CEP128: variants seen among roughly 807,000 people sequenced by gnomAD.
The protein encoded by CEP128 is centrosomal protein 128, also known as centrosomal protein 128kDa.
A neutral mutation model predicts 156.7 loss-of-function variants in CEP128; 132 were observed. The observed-to-expected ratio is 0.84, with a 90% CI of 0.73 to 0.97. The LOEUF (loss-of-function observed/expected upper bound fraction) is 0.97, where lower values mean the gene tolerates loss of function less well. CEP128 is among the 50% of genes least tolerant of loss of function. CEP128 has a pLI of 0.00. For synonymous variants in CEP128, 469 were observed against 448.9 expected, an observed-to-expected ratio of 1.04 and a Z score of -0.57; for missense variants, 1,252 against 1,281.9, an observed-to-expected ratio of 0.98 and a Z score of 0.36.
At chr14:80,947,856 A>G (rs1886379683) in intron 2 of CEP128, among the ~76,000 whole-genome samples, 1 of 152,144 alleles carries the variant, frequency 6.6e-6, no homozygotes. Context: ...CATAGCTTGA[A>G]CCTACCTGTT....
At position 80,904,883 on chromosome 14, in the gene CEP128, G is replaced by A. The variant is rs1165826930; in HGVS notation, c.410C>T (p.Pro137Leu). 1.2e-6 allele frequency: 2 copies of A among 1,612,294 alleles called. No homozygotes were observed. The highest frequency in any genetic ancestry group is 3.3e-5 in the Admixed American group (2 of 59,992). Residue 137 changes from proline to leucine, a missense_variant, in exon 6 of 25, where the codon CCA becomes CTA. By Grantham distance (98) the Pro-to-Leu change is moderately conservative. Transcript: ENST00000555265. ...TGATCTCATTCGTTTAATACCCTGTGGATCCCCATAGTCCTTGAGAGGTGA... is the reference window on the plus strand; with the variant it reads ...TGATCTCATTCGTTTAATACCCTGTAGATCCCCATAGTCCTTGAGAGGTGA... ...PTSPLKDYGD[P>L]QGIKRMRSRT...
At chr14:80,681,044 G>C (rs754977848) in intron 19 of CEP128, among the ~76,000 whole-genome samples, 6 of 151,796 alleles carry the variant, frequency 4.0e-5, no homozygotes, top group African/African-American at 9.7e-5. Context: ...GCTGGCTATA[G>C]TCGGCTCTTG....
intron 9 of CEP128, among the ~76,000 whole-genome samples, chr14:80,850,756 T>C (rs1305912818): frequency 6.6e-6 from 1 of 152,208 alleles, no homozygotes; most frequent in African/African-American, 2.4e-5. Context: ...ACATTTAGAA[T>C]GCATGTATCT....
chr14:80,492,422 A>C (rs1887355019), downstream of CEP128, among the ~76,000 whole-genome samples: 1 of 152,182 alleles, frequency 6.6e-6, no homozygotes, highest in Admixed American at 6.6e-5. Flanking sequence ...GTTATCTTAA[A>C]ATACATGCAC....
At chr14:80,855,517 TG>T (rs1402208265) in intron 9 of CEP128, among the ~76,000 whole-genome samples, 2 of 151,898 alleles carry the variant, frequency 1.3e-5, no homozygotes, top group Admixed American at 1.3e-4. Flanking sequence ...TGAATAACTA[TG>T]CAAAATATGA....
chr14:80,710,040 T>A (rs541908739), intron 19 of CEP128, among the ~76,000 whole-genome samples: 1 of 152,024 alleles, frequency 6.6e-6, no homozygotes, highest in South Asian at 2.1e-4. Flanking sequence ...CCTGTTTTTG[T>A]ACCCTGGACC....
intron 4 of CEP128, among the ~76,000 whole-genome samples, chr14:80,908,467 CTCTA>C (rs35461116): frequency 0.031 from 4,716 of 152,152 alleles, 240 homozygotes; most frequent in African/African-American, 0.11. Flanking sequence ...CTGTTGTTCA[CTCTA>C]TTCATTCAAG....
Position 80,661,922 on chromosome 14 carries a change from G to A in CEP128, c.2806+81153C>T, listed in dbSNP as rs188947553. On this transcript the variant is annotated intron_variant, in intron 19 of 24. Transcript: ENST00000555265. ...CTTAATGGACTGAAAAACATCAATT[G>A]CTTAATTATACAGAATACATTGAGC... 3.9e-3 allele frequency among the ~76,000 whole-genome samples: 598 copies of A among 152,252 alleles called. 5 individuals carry two copies. The highest frequency in any genetic ancestry group is 0.027 in the Middle Eastern group (8 of 294).
At chr14:80,861,622 A>G (rs1432183064) in intron 9 of CEP128, among the ~76,000 whole-genome samples, 2 of 152,162 alleles carry the variant, frequency 1.3e-5, no homozygotes, top group Admixed American at 1.3e-4. Flanking sequence ...ATCACTCATG[A>G]TGACTGAAAA....
intron 9 of CEP128, among the ~76,000 whole-genome samples, chr14:80,842,826 T>C (rs192888603): frequency 2.0e-5 from 3 of 152,124 alleles, no homozygotes; most frequent in African/African-American, 7.2e-5. Context: ...GCAGTTTAGC[T>C]AAAAACTATC....
chr14:80,877,287 T>C (rs2139294189), intron 8 of CEP128, among the ~76,000 whole-genome samples: 1 of 151,784 alleles, frequency 6.6e-6, no homozygotes, highest in African/African-American at 2.4e-5. Flanking sequence ...AGAAAGCAAA[T>C]AGTAAGATGG....
intron 19 of CEP128, among the ~76,000 whole-genome samples, chr14:80,602,485 A>T (rs1892619349): frequency 6.6e-6 from 1 of 152,124 alleles, no homozygotes; most frequent in Non-Finnish European, 1.5e-5. Context: ...AATAAATTAA[A>T]AGGAGGCTGG....
At chr14:80,881,812 G>T (rs1350107797) in intron 8 of CEP128, among the ~76,000 whole-genome samples, 1 of 152,004 alleles carries the variant, frequency 6.6e-6, no homozygotes, top group African/African-American at 2.4e-5. Context: ...CAGAATGCAG[G>T]ACAAAACTAT....
chr14:80,826,366 C>G (rs1194618445), intron 13 of CEP128, among the ~76,000 whole-genome samples: 1 of 151,966 alleles, frequency 6.6e-6, no homozygotes, highest in African/African-American at 2.4e-5. Flanking sequence ...ACAATATGCA[C>G]TTAGATAAGG....
intron 1 of CEP128, among the ~76,000 whole-genome samples, chr14:80,941,224 T>C (rs149691618): frequency 1.3e-5 from 2 of 152,190 alleles, no homozygotes; most frequent in East Asian, 3.9e-4. Context: ...CAAGCAAATG[T>C]CAGACGGTCC....
chr14:80,792,134 T>C (rs372784859), intron 14 of CEP128, among the ~76,000 whole-genome samples: 1 of 152,218 alleles, frequency 6.6e-6, no homozygotes, highest in Non-Finnish European at 1.5e-5. Context: ...TAACTGATTA[T>C]ACAAGAGAAA....
rs1324871149 is a variant in CEP128, at chr14:80,656,275, TTATTTATATATA to T, written c.2807-75864_2807-75853del. Among the ~76,000 whole-genome samples, 47 of 44,536 alleles carry T rather than the reference TTATTTATATATA, an allele frequency of 1.1e-3. 4 individuals are homozygous for T. Among genetic ancestry groups the T allele is most frequent in the African/African-American group, 3.5e-3 (43 of 12,412 alleles). The allele number at this position is 44,536 out of a possible 152,430, so 29.2% of individuals were successfully genotyped here. ...AGTATTTCTCAATAAACCTAAGTTT[TTATTTATATATA>T]TATTTATATATATATATATATATAT... On this transcript the variant is annotated intron_variant, in intron 19 of 24. Coordinates refer to ENST00000555265, the MANE Select transcript of CEP128 (RefSeq NM_152446.5).
At chr14:80,658,880 C>T (rs1437763443) in intron 19 of CEP128, among the ~76,000 whole-genome samples, 4 of 152,108 alleles carry the variant, frequency 2.6e-5, no homozygotes, top group Non-Finnish European at 5.9e-5. Flanking sequence ...GCTCTCACAG[C>T]AATGCTTAAA....
At chr14:80,799,211 G>C (rs1883678815) in intron 13 of CEP128, among the ~76,000 whole-genome samples, 1 of 152,332 alleles carries the variant, frequency 6.6e-6, no homozygotes, top group East Asian at 1.9e-4. Flanking sequence ...CAAACGGAGG[G>C]ACTGGCTGGA....
Sources: allele counts gnomAD v4.1 joint callset (sites outside exome capture counted in the v4.1 genomes callset), GRCh38; gene constraint gnomAD v4.1.1; transcripts MANE v1.5; gene names NCBI Gene and HGNC (gene_info 2026-07-23, HGNC 2026-07-21).